Variants in FANK1 observed in about 807,000 individuals in gnomAD.
FANK1 encodes the protein fibronectin type III and ankyrin repeat domains 1.
Under a neutral mutation model 45.3 loss-of-function variants are expected in FANK1, and 44 were observed. The observed-to-expected ratio is 0.97, with a 90% confidence interval of 0.76 to 1.25. FANK1 has a LOEUF of 1.25. Among genes scored for constraint, FANK1 ranks in the 50% most tolerant of loss-of-function variants. The pLI is 0.00. For missense variants in FANK1, 391 were observed against 424.4 expected (o/e 0.92, Z 0.69); for synonymous variants, 149 against 152.5 (o/e 0.98, Z 0.17).
intron 1 of FANK1, among the ~76,000 whole-genome samples, chr10:125,916,355 T>C (rs1946445769): frequency 6.6e-6 from 1 of 152,132 alleles, no homozygotes; most frequent in Admixed American, 6.5e-5. Flanking sequence ...AATTCTCATC[T>C]ATAAAAAGTA....
chr10:125,924,972 C>A (rs1189994868), intron 1 of FANK1, among the ~76,000 whole-genome samples: 1 of 139,270 alleles, frequency 7.2e-6, no homozygotes, highest in Non-Finnish European at 1.5e-5. Context: ...AAATTGTTAC[C>A]AGAAATTGTG....
chr10:125,949,929 TGGAAC>T (rs907334760), intron 1 of FANK1, among the ~76,000 whole-genome samples: 1 of 137,708 alleles, frequency 7.3e-6, no homozygotes, highest in Non-Finnish European at 1.6e-5. Context: ...TATAGATCAA[TGGAAC>T]AGAACAGAGC....
chr10:125,960,957 T>A (rs1949887001), intron 1 of FANK1, among the ~76,000 whole-genome samples: 2 of 152,262 alleles, frequency 1.3e-5, no homozygotes, highest in South Asian at 4.1e-4. Flanking sequence ...AAAAGAAAGC[T>A]GGAGGTATAC....
chr10:125,897,153 GGAGA>G (rs71760825), intron 1 of FANK1, among the ~76,000 whole-genome samples: 2 of 13,218 alleles, frequency 1.5e-4, no homozygotes, highest in East Asian at 2.4e-3. Context: ...GCGACTTGAA[GGAGA>G]GAGAGAGAAA....
chr10:125,951,381 G>T (rs1457579438), intron 1 of FANK1, among the ~76,000 whole-genome samples: 3 of 152,026 alleles, frequency 2.0e-5, no homozygotes, highest in Admixed American at 6.6e-5. Context: ...TTGATTCTCT[G>T]TAAATAGGAA....
chr10:126,001,276 T>C (rs1459678311), intron 6 of FANK1, among the ~76,000 whole-genome samples: 1 of 152,248 alleles, frequency 6.6e-6, no homozygotes, highest in Admixed American at 6.5e-5. Flanking sequence ...GTATGTGTTA[T>C]GATATATTCA....
At position 125,994,889 on chromosome 10, in the gene FANK1, C is replaced by T. The variant is rs1041677093; in HGVS notation, c.317-528C>T. 26 of 985,322 alleles carry T rather than the reference C, an allele frequency of 2.6e-5. No homozygotes were observed. In the African/African-American group the frequency reaches 4.4e-4, roughly 17 times the overall value. The allele number at this position is 985,322 out of a possible 1,614,324, so 61.0% of individuals were successfully genotyped here. A position where few individuals can be genotyped will look rare whatever the true frequency, so the allele number is the denominator to read the frequency against. On this transcript the variant is annotated intron_variant, in intron 3 of 10. Transcript: ENST00000368693. ...CTCTCTCCCCTAATTGGCTTTTCTCCTGGTGCTCCCCACCTTCCTGTGGGT... is the reference window on the plus strand; with the variant it reads ...CTCTCTCCCCTAATTGGCTTTTCTCTTGGTGCTCCCCACCTTCCTGTGGGT...
chr10:126,001,581 CCCTTCTCCCA>C (rs78965787), intron 6 of FANK1, among the ~76,000 whole-genome samples: 3 of 152,136 alleles, frequency 2.0e-5, no homozygotes, highest in Non-Finnish European at 2.9e-5. Context: ...GGCCACTCTC[CCCTTCTCCCA>C]CCTTGTGAAC....
In FANK1 at chr10:125,994,117, A is replaced by AG. The variant is rs1244708556; in HGVS notation, c.317-1297dup. ...TGATCTTTCTGGGCCGGACCATAAG[A>AG]GGGAGGGTGGGTGAGCCCCAGGAGG... On this transcript the variant is annotated intron_variant, in intron 3 of 10. Coordinates refer to ENST00000368693, the MANE Select transcript of FANK1 (RefSeq NM_145235.5). Among the ~76,000 whole-genome samples, 33 of 115,930 alleles carry AG rather than the reference A, an allele frequency of 2.8e-4. No homozygotes were observed. The Admixed American group carries it at 2.9e-3, about 10-fold the overall frequency. 76.1% of individuals were successfully genotyped at this position (115,930 alleles called of 152,430 possible).
intron 1 of FANK1, among the ~76,000 whole-genome samples, chr10:125,934,844 A>G (rs1947989778): frequency 6.9e-6 from 1 of 144,740 alleles, no homozygotes; most frequent in Non-Finnish European, 1.5e-5. Flanking sequence ...ACTCTGAATC[A>G]TCAGGTGACA....
chr10:125,997,546 G>T, intron 6 of FANK1, 61 bp downstream of exon 6: 1 of 1,496,494 alleles, frequency 6.7e-7, no homozygotes, highest in Non-Finnish European at 9.2e-7. Flanking sequence ...TGCTAGGCTT[G>T]TGCCCAGAGG....
intron 1 of FANK1, among the ~76,000 whole-genome samples, chr10:125,956,646 A>T (rs1949596515): frequency 6.6e-6 from 1 of 152,172 alleles, no homozygotes; most frequent in Admixed American, 6.5e-5. Flanking sequence ...TTTAAAATTA[A>T]AATTATAGTT....
At chr10:125,928,931 A>G (rs1947563358) in intron 1 of FANK1, among the ~76,000 whole-genome samples, 1 of 152,238 alleles carries the variant, frequency 6.6e-6, no homozygotes, top group African/African-American at 2.4e-5. Flanking sequence ...TAATTTTGCT[A>G]TAGTGCAATT....
chr10:125,989,226 G>A (rs1951767191), intron 3 of FANK1: 1 of 1,507,578 alleles, frequency 6.6e-7, no homozygotes, highest in Non-Finnish European at 9.0e-7. Context: ...GAGTTTTAAG[G>A]TTGTTTCTGA....
At chr10:125,958,402 A>G (rs956763757) in intron 1 of FANK1, among the ~76,000 whole-genome samples, 11 of 152,178 alleles carry the variant, frequency 7.2e-5, no homozygotes, top group African/African-American at 2.7e-4. Context: ...AATCAGGGTG[A>G]AAGAGGAAGC....
intron 1 of FANK1, among the ~76,000 whole-genome samples, chr10:125,972,497 G>C (rs1950579875): frequency 6.6e-6 from 1 of 152,150 alleles, no homozygotes; most frequent in Non-Finnish European, 1.5e-5. Context: ...AATTACTCTA[G>C]GTTGGCTTAG....
intron 4 of FANK1, 55 bp downstream of exon 4, chr10:125,995,553 A>C (rs975069208): frequency 7.4e-6 from 11 of 1,485,102 alleles, no homozygotes; most frequent in Non-Finnish European, 9.4e-6. Context: ...AGTGCATAGA[A>C]ATACATGCAG....
chr10:125,928,461 AC>A (rs144488289), intron 1 of FANK1, among the ~76,000 whole-genome samples: 55,827 of 151,350 alleles, frequency 0.37, 10,728 homozygotes, highest in Non-Finnish European at 0.44. Flanking sequence ...TATGACCTGT[AC>A]CTTGTGCTGA....
rs765702670 is a variant in FANK1, at chr10:126,009,103, A to G, written c.899A>G (p.Lys300Arg). Reference protein sequence around the residue: ...HEELVQLLLDKGADASVKNEF... With the variant: ...HEELVQLLLDRGADASVKNEF... ...GAGTTAGTTCAGTTACTTCTTGACAAAGGGGCAGATGCAAGTGTAAAAAAT... is the reference window on the plus strand; with the variant it reads ...GAGTTAGTTCAGTTACTTCTTGACAGAGGGGCAGATGCAAGTGTAAAAAAT... Residue 300 changes from lysine to arginine, a missense_variant, in exon 9 of 11, where the codon AAA becomes AGA. By Grantham distance (26) the Lys-to-Arg change is conservative. Coordinates refer to ENST00000368693, the MANE Select transcript of FANK1 (RefSeq NM_145235.5). The G allele has an allele frequency of 2.5e-6, 4 of 1,614,234 alleles. No homozygotes were observed. The highest frequency in any genetic ancestry group is 4.5e-5 in the East Asian group (2 of 44,884).
Sources: allele counts gnomAD v4.1 joint callset (sites outside exome capture counted in the v4.1 genomes callset), GRCh38; gene constraint gnomAD v4.1.1; transcripts MANE v1.5; gene names NCBI Gene and HGNC (gene_info 2026-07-23, HGNC 2026-07-21).